The following RBBP8 variants were observed in gnomAD, a reference collection of about 807,000 sequenced individuals.
RBBP8 encodes RB binding protein 8, endonuclease.
A neutral mutation model predicts 108.3 loss-of-function variants in RBBP8; 88 were observed. That is an observed-to-expected ratio of 0.81 (90% CI 0.68 to 0.97). The LOEUF is 0.97. Ranked by LOEUF, RBBP8 falls within the 50% of genes least tolerant of loss-of-function variation. The probability of loss-of-function intolerance (pLI) is 0.00; values close to 1 mark genes in which losing one functional copy is unlikely to be tolerated. For missense variants in RBBP8, 1,023 were observed against 1,049.0 expected, an observed-to-expected ratio of 0.98 and a Z score of 0.34; for synonymous variants, 332 against 348.2, an observed-to-expected ratio of 0.95 and a Z score of 0.52.
Position 22,997,734 on chromosome 18 carries a change from A to G in RBBP8, c.2143A>G (p.Asn715Asp), listed in dbSNP as rs748838640. 6.4e-7 allele frequency: 1 copy of G among 1,562,160 alleles called. No individual in the cohort carries two copies. Among genetic ancestry groups the G allele is most frequent in the Non-Finnish European group, 8.8e-7 (1 of 1,139,172 alleles). Reference sequence around the variant, plus strand: ...AGAGCAGAAGGGAGAAAAAAGTTCAAGTAAGATCTGTTTTTGTTTTGTTAT... The same window carrying G: ...AGAGCAGAAGGGAGAAAAAAGTTCAGGTAAGATCTGTTTTTGTTTTGTTAT... ...KQEQKGEKSS[N>D]EERKMNDSLE... is the part of the protein sequence containing the mutation. The change falls in exon 14 of 19, where the codon AAT (asparagine) becomes GAT (aspartate). Residue 715 changes from asparagine (N) to aspartate (D), a missense_variant and splice_region_variant. Physicochemically the swap from Asn to Asp is conservative, Grantham distance 23. Transcript: ENST00000327155.
chr18:22,996,319 G>A, intron 12 of RBBP8, 55 bp from the exon 13 acceptor site: 2 of 1,603,374 alleles, frequency 1.2e-6, no homozygotes, highest in Non-Finnish European at 1.7e-6. Flanking sequence ...ATTTTAAAGT[G>A]ATGAGAATTT....
intron 16 of RBBP8, among the ~76,000 whole-genome samples, chr18:23,016,157 C>T (rs1347764811): frequency 2.0e-5 from 3 of 152,110 alleles, no homozygotes; most frequent in African/African-American, 4.8e-5. Context: ...TGAGCCACTG[C>T]GCCCATCCAG....
intron 18 of RBBP8, among the ~76,000 whole-genome samples, chr18:23,022,668 T>TAAAATAA (rs1353697130): frequency 5.1e-5 from 7 of 136,102 alleles, no homozygotes; most frequent in African/African-American, 1.1e-4. Flanking sequence ...TAAAATAAAA[T>TAAAATAA]AAATAACTGT....
chr18:22,919,288 G>A (rs756819067), intron 3 of RBBP8, among the ~76,000 whole-genome samples: 7 of 152,106 alleles, frequency 4.6e-5, no homozygotes, highest in Admixed American at 3.9e-4. Context: ...AATGAATAAA[G>A]AGCAAAAAAT....
intron 3 of RBBP8, among the ~76,000 whole-genome samples, chr18:22,926,330 G>A (rs771519870): frequency 2.0e-5 from 3 of 152,182 alleles, no homozygotes; most frequent in Non-Finnish European, 4.4e-5. Flanking sequence ...TGCTGAGGCA[G>A]GAGAATCACT....
intron 16 of RBBP8, among the ~76,000 whole-genome samples, chr18:23,008,798 G>C (rs1249587250): frequency 6.6e-5 from 7 of 105,268 alleles, no homozygotes; most frequent in Non-Finnish European, 1.2e-4. Context: ...TTTTGAGACA[G>C]AGTCTCACTC....
chr18:23,005,960 G>C (rs537163521), intron 15 of RBBP8, among the ~76,000 whole-genome samples: 1 of 152,090 alleles, frequency 6.6e-6, no homozygotes, highest in South Asian at 2.1e-4. Flanking sequence ...GCCGAGGCGG[G>C]CGGATCATGA....
intron 3 of RBBP8, among the ~76,000 whole-genome samples, chr18:22,917,891 G>A (rs1017618357): frequency 2.3e-4 from 35 of 151,548 alleles, no homozygotes; most frequent in African/African-American, 8.2e-4. Flanking sequence ...CCAGCTACTC[G>A]GGAGACTGAG....
At chr18:22,937,187 C>A in intron 2 of RBBP8, 2 of 791,130 alleles carry the variant, frequency 2.5e-6, no homozygotes, top group Non-Finnish European at 3.7e-6. Context: ...GTTTTTCAAT[C>A]CCCACCCTCT....
intron 5 of RBBP8, among the ~76,000 whole-genome samples, chr18:22,969,555 TTC>T (rs1913908092): frequency 6.6e-6 from 1 of 152,202 alleles, no homozygotes; most frequent in Non-Finnish European, 1.5e-5. Context: ...TTTTATTTTT[TTC>T]TGTTAATTAT....
In RBBP8 at chr18:23,014,877, TG is replaced by T. The variant is rs2046230996; in HGVS notation, c.2358-1949del. Among the ~76,000 whole-genome samples, 3 of 152,124 alleles carry T rather than the reference TG, an allele frequency of 2.0e-5. No homozygotes were observed. The South Asian group carries it at 6.2e-4, about 32-fold the overall frequency. On this transcript the variant is annotated intron_variant, in intron 16 of 18. Transcript: ENST00000327155. ...AGGTAATTTTTCTTTTTCTTTTTTC[TG>T]GTTTTTTTTTGTTTTGTTTTGTTTT...
chr18:22,935,726 G>A (rs1357588823), intron 1 of RBBP8, among the ~76,000 whole-genome samples: 1 of 152,090 alleles, frequency 6.6e-6, no homozygotes, highest in Non-Finnish European at 1.5e-5. Context: ...CTAATTAATG[G>A]TTTCATTTTA....
rs191852370 is a variant in RBBP8, at chr18:23,017,002, A to G, written c.2454+78A>G. The G allele has an allele frequency of 1.5e-5, 16 of 1,055,454 alleles. No individual in the cohort carries two copies. In the African/African-American group the frequency reaches 2.1e-4, roughly 14 times the overall value. 65.4% of individuals were successfully genotyped at this position (1,055,454 alleles called of 1,614,324 possible). A position where few individuals can be genotyped will look rare whatever the true frequency, so the allele number is the denominator to read the frequency against. ...TAAATGCATGATTTTAAAATCACGTATACAAACCATATTGGTTATAGAAAC... is the reference window on the plus strand; with the variant it reads ...TAAATGCATGATTTTAAAATCACGTGTACAAACCATATTGGTTATAGAAAC... On this transcript the variant is annotated intron_variant, in intron 17 of 18. Transcript: ENST00000327155.
intron 6 of RBBP8, among the ~76,000 whole-genome samples, chr18:22,981,618 A>G (rs1186884584): frequency 6.6e-6 from 1 of 152,158 alleles, no homozygotes; most frequent in African/African-American, 2.4e-5. Context: ...CTCATCCTGT[A>G]TTTGTCAAGC....
intron 4 of RBBP8, among the ~76,000 whole-genome samples, chr18:22,960,203 AT>A (rs796868976): frequency 2.0e-5 from 3 of 152,122 alleles, no homozygotes; most frequent in African/African-American, 7.2e-5. Context: ...GAACTTTACT[AT>A]TTTTTAAAAA....
intron 16 of RBBP8, among the ~76,000 whole-genome samples, chr18:23,007,179 C>G (rs2046068051): frequency 6.6e-6 from 1 of 151,506 alleles, no homozygotes; most frequent in Non-Finnish European, 1.5e-5. Context: ...CACCACCAGG[C>G]CTGGATAATT....
chr18:23,013,887 G>T (rs2046212416), intron 16 of RBBP8, among the ~76,000 whole-genome samples: 1 of 152,180 alleles, frequency 6.6e-6, no homozygotes, highest in Admixed American at 6.5e-5. Context: ...AGCTAGGTCA[G>T]ATTTTTTCCA....
intron 3 of RBBP8, among the ~76,000 whole-genome samples, chr18:22,948,593 A>C (rs1911765954): frequency 6.6e-6 from 1 of 152,098 alleles, no homozygotes; most frequent in Admixed American, 6.6e-5. Flanking sequence ...TCTATATTTG[A>C]TACCTGACAT....
intron 2 of RBBP8, among the ~76,000 whole-genome samples, chr18:22,942,421 C>T (rs1461845037): frequency 6.6e-6 from 1 of 152,044 alleles, no homozygotes; most frequent in African/African-American, 2.4e-5. Context: ...TAATAAACTG[C>T]ATCCATGTCT....
Sources: gnomAD v4.1 joint callset for allele counts (sites outside exome capture counted in the v4.1 genomes callset) on GRCh38, gnomAD v4.1.1 for gene constraint, MANE v1.5 for transcripts, NCBI Gene and HGNC (gene_info 2026-07-23, HGNC 2026-07-21) for gene names.